Variants in DLC1 observed in about 807,000 individuals in gnomAD.
DLC1 encodes DLC1 Rho GTPase activating protein.
Under a neutral mutation model 140.3 loss-of-function variants are expected in DLC1, and 54 were observed. That is an observed-to-expected ratio of 0.38 (90% CI 0.31 to 0.48). The LOEUF is 0.48. DLC1 is among the 20% of genes least tolerant of loss of function. DLC1 has a pLI of 0.96. For missense variants in DLC1, 2,536 were observed against 1,907.0 expected (o/e 1.33, Z -6.14); for synonymous variants, 986 against 728.1 (o/e 1.35, Z -5.70).
chr8:13,361,836 A>T (rs551927286), intron 4 of DLC1, among the ~76,000 whole-genome samples: 1 of 152,206 alleles, frequency 6.6e-6, no homozygotes, highest in Non-Finnish European at 1.5e-5. Flanking sequence ...CTTCTTATTT[A>T]GTACATATAT....
At chr8:13,428,859 T>A (rs1838729294) in intron 2 of DLC1, among the ~76,000 whole-genome samples, 1 of 152,194 alleles carries the variant, frequency 6.6e-6, no homozygotes, top group East Asian at 1.9e-4. Context: ...TCAAAGAGTA[T>A]TTATACAGTA....
chr8:13,156,086 A>G (rs1281524241), intron 5 of DLC1, among the ~76,000 whole-genome samples: 1 of 152,228 alleles, frequency 6.6e-6, no homozygotes, highest in Non-Finnish European at 1.5e-5. Context: ...AGCAAGGTAC[A>G]TCAACCCATC....
At chr8:13,166,703 C>T (rs1271131217) in intron 5 of DLC1, among the ~76,000 whole-genome samples, 1 of 152,156 alleles carries the variant, frequency 6.6e-6, no homozygotes, top group East Asian at 1.9e-4. Context: ...ATCAAATAAG[C>T]CAACTTATTT....
At chr8:13,556,430 A>G (rs1804047908) in intron 1 of DLC1, among the ~76,000 whole-genome samples, 1 of 152,186 alleles carries the variant, frequency 6.6e-6, no homozygotes, top group South Asian at 2.1e-4. Flanking sequence ...TCATCTGGCC[A>G]CTGGGGTTTT....
Position 13,499,374 on chromosome 8 carries a change from T to C in DLC1, c.698A>G (p.Gln233Arg). The part of the protein sequence containing the change: ...KQLLNSAVIA[Q>R]QRRKPDPPKD... ...AGGGGGGTCAGGTTTCCTTCGTTGC[T>C]GAGCAATTACAGCAGAGTTAAGCAA... is the stretch of plus-strand genomic sequence containing the variant. The change falls in exon 2 of 18, where the codon CAG becomes CGG. Residue 233 changes from glutamine (Q) to arginine (R), a missense_variant. Gln to Arg is a conservative substitution (Grantham distance 43, BLOSUM62 1). Transcript: ENST00000276297. 1 of 1,614,030 alleles carries C rather than the reference T, an allele frequency of 6.2e-7. No individual in the cohort carries two copies. The highest frequency in any genetic ancestry group is 8.5e-7 in the Non-Finnish European group (1 of 1,180,000).
At position 13,576,280 on chromosome 8, in the gene DLC1, T is replaced by G. The variant is rs78507523; in HGVS notation, c.-126+28257A>C. Among the ~76,000 whole-genome samples, 21 of 152,260 alleles carry G rather than the reference T, an allele frequency of 1.4e-4. No homozygotes were observed. In the East Asian group the frequency reaches 3.7e-3, roughly 27 times the overall value. On this transcript the variant is annotated intron_variant, in intron 1 of 1. Coordinates refer to the DLC1 transcript ENST00000631382. ...AGGGGTTTGAAGGTTTGAGAAGAGA[T>G]TGCTAAAGCCTCTACAGTGAAGGAT...
chr8:13,183,762 T>C (rs1177461615), intron 5 of DLC1, among the ~76,000 whole-genome samples: 3 of 152,202 alleles, frequency 2.0e-5, no homozygotes, highest in African/African-American at 7.2e-5. Flanking sequence ...ATCAGGGATA[T>C]TGGTCTAAAA....
At chr8:13,498,769 C>A (rs1801630244) in intron 2 of DLC1, 1 of 298,690 alleles carries the variant, frequency 3.3e-6, no homozygotes, top group South Asian at 9.3e-5. Context: ...TATTTAATTC[C>A]AACTAAAGAA....
intron 2 of DLC1, among the ~76,000 whole-genome samples, chr8:13,420,970 C>G (rs183604840): frequency 3.0e-4 from 46 of 152,252 alleles, no homozygotes; most frequent in Non-Finnish European, 5.3e-4. Flanking sequence ...GACGCTTTCT[C>G]TAAACCCCTT....
intron 5 of DLC1, among the ~76,000 whole-genome samples, chr8:13,157,341 T>A (rs1444632662): frequency 6.6e-6 from 1 of 152,098 alleles, no homozygotes; most frequent in Non-Finnish European, 1.5e-5. Flanking sequence ...AAAGTGAAAT[T>A]GAGCCTTGAA....
In DLC1 at chr8:13,500,134, T is replaced by A. The variant is rs1304244700; in HGVS notation, c.-63A>T. On this transcript the variant is annotated 5_prime_UTR_variant, in exon 2 of 18. The change creates a new upstream start codon in the 5' untranslated region. Coordinates refer to ENST00000276297, the MANE Select transcript of DLC1 (RefSeq NM_182643.3). ...CATATGAGGGTAAAGGAGATGGAAC[T>A]TGATGAAAGATTATTTCAAAATCAC... 7.4e-7 allele frequency: 1 copy of A among 1,354,998 alleles called. No individual in the cohort carries two copies. Among genetic ancestry groups the A allele is most frequent in the Admixed American group, 2.1e-5 (1 of 47,160 alleles). 83.9% of individuals were successfully genotyped at this position (1,354,998 alleles called of 1,614,324 possible). A position where few individuals can be genotyped will look rare whatever the true frequency, so the allele number is the denominator to read the frequency against.
chr8:13,128,590 T>C (rs1563653502), intron 5 of DLC1, among the ~76,000 whole-genome samples: 5 of 152,182 alleles, frequency 3.3e-5, no homozygotes, highest in Admixed American at 2.0e-4. Context: ...CCCAGCACTT[T>C]GGGAGGCCGA....
chr8:13,144,657 C>T (rs569093077), intron 5 of DLC1, among the ~76,000 whole-genome samples: 97 of 152,114 alleles, frequency 6.4e-4, no homozygotes, highest in African/African-American at 2.0e-3. Flanking sequence ...CCCAGCTACT[C>T]GGGAGGCTGA....
intron 2 of DLC1, among the ~76,000 whole-genome samples, chr8:13,471,506 G>C (rs1007583432): frequency 2.9e-5 from 4 of 135,892 alleles, no homozygotes; most frequent in East Asian, 2.3e-4. Flanking sequence ...GCAGGGAAAG[G>C]AGGGAGGGAA....
intron 1 of DLC1, among the ~76,000 whole-genome samples, chr8:13,532,407 A>T (rs1210060786): frequency 2.0e-5 from 3 of 152,234 alleles, no homozygotes; most frequent in African/African-American, 7.2e-5. Flanking sequence ...TAAGAACATG[A>T]ATGGCAAAAC....
chr8:13,580,978 TA>T (rs1187928327), intron 1 of DLC1, among the ~76,000 whole-genome samples: 1 of 152,214 alleles, frequency 6.6e-6, no homozygotes, highest in Non-Finnish European at 1.5e-5. Context: ...AACTAAGGGG[TA>T]CCCCAGCTTT....
chr8:13,399,100 A>T (rs974189293), intron 3 of DLC1, among the ~76,000 whole-genome samples: 4 of 152,120 alleles, frequency 2.6e-5, no homozygotes, highest in African/African-American at 9.7e-5. Flanking sequence ...GTGTGTCTGA[A>T]CTTCCCTACG....
upstream of DLC1, among the ~76,000 whole-genome samples, chr8:13,517,525 A>G (rs535376593): frequency 4.6e-5 from 7 of 152,300 alleles, 1 homozygote; most frequent in African/African-American, 1.7e-4. Context: ...CAAATCTCAG[A>G]TCTTATAGTC....
At chr8:13,221,636 G>A (rs1478694716) in intron 5 of DLC1, among the ~76,000 whole-genome samples, 1 of 149,744 alleles carries the variant, frequency 6.7e-6, no homozygotes, top group African/African-American at 2.4e-5. Context: ...CTCCCAAAGT[G>A]CTGGGATTAC....
Sources: allele counts gnomAD v4.1 joint callset (sites outside exome capture counted in the v4.1 genomes callset), GRCh38; gene constraint gnomAD v4.1.1; transcripts MANE v1.5; gene names NCBI Gene and HGNC (gene_info 2026-07-23, HGNC 2026-07-21).